The following AHNAK2 variants were observed in gnomAD, a reference collection of about 807,000 sequenced individuals.
The protein encoded by AHNAK2 is AHNAK nucleoprotein 2.
Under a neutral mutation model 30.7 loss-of-function variants are expected in AHNAK2, and 18 were observed. The ratio of observed to expected loss-of-function variants is 0.59; its 90% confidence interval spans 0.41 to 0.87. The LOEUF (loss-of-function observed/expected upper bound fraction) is 0.87. Ranked by LOEUF, AHNAK2 falls within the 40% of genes least tolerant of loss-of-function variation. The pLI is 0.00. For missense variants in AHNAK2, 8,604 were observed against 7,373.0 expected, an observed-to-expected ratio of 1.17 and a Z score of -6.11; for synonymous variants, 3,590 against 3,073.8, an observed-to-expected ratio of 1.17 and a Z score of -5.56.
At chr14:104,977,790 C>T (rs1899633248) in intron 1 of AHNAK2, among the ~76,000 whole-genome samples, 1 of 152,172 alleles carries the variant, frequency 6.6e-6, no homozygotes, top group Non-Finnish European at 1.5e-5. Context: ...CTCCAGAGTG[C>T]GGTAGCACCT....
chr14:104,938,823 C>G lies in AHNAK2; in HGVS notation c.16628G>C (p.Arg5543Thr). ...AGCCTCTTCTGTGCCCTCCTGAGTC[C>G]TAGAGTGTTGAGTCATTGTTGTGTA... ...RVYTTMTQHS[R>T]TQEGTEEAPI... The change falls in exon 7 of 7, where the codon AGG becomes ACG. Residue 5543 changes from arginine to threonine, a missense_variant. Physicochemically the swap from Arg to Thr is moderately conservative, Grantham distance 71 (BLOSUM62 -1). Transcript: ENST00000333244. 1 of 1,613,928 alleles carries G rather than the reference C, an allele frequency of 6.2e-7. No homozygotes were observed. The highest frequency in any genetic ancestry group is 2.2e-5 in the East Asian group (1 of 44,882).
Position 104,954,246 on chromosome 14 carries a change from G to C in AHNAK2, c.1205C>G (p.Pro402Arg). 6.2e-7 allele frequency: 1 copy of C among 1,612,464 alleles called. No homozygotes were observed. Among genetic ancestry groups the C allele is most frequent in the Non-Finnish European group, 8.5e-7 (1 of 1,179,810 alleles). Residue 402 changes from proline (P) to arginine (R), a missense_variant, in exon 7 of 7, where the codon CCT (proline) becomes CGT (arginine). By Grantham distance (103) the Pro-to-Arg change is moderately radical. Coordinates refer to ENST00000333244, the MANE Select transcript of AHNAK2 (RefSeq NM_138420.4). The surrounding 1 kb of genome is among the most constrained non-coding windows in gnomAD (Gnocchi z 4.3). ...CTGAGGGGTTCCCTCGCAAAGTCTA[G>C]GGTCACCGAGCTCTGTGGGCAATGG... ...SMPLPTELGD[P>R]RLCEGTPQEG...
Position 104,948,383 on chromosome 14 carries a change from G to T in AHNAK2, c.7068C>A (p.Ser2356=), listed in dbSNP as rs768034530. 1 of 1,612,672 alleles carries T rather than the reference G, an allele frequency of 6.2e-7. No homozygotes were observed. Among genetic ancestry groups the T allele is most frequent in the South Asian group, 1.1e-5 (1 of 91,048 alleles). The part of the protein sequence containing the change: ...LKVEADVSLP[S]MQGDLKTTDL... Reference sequence around the variant, plus strand: ...CAGTGGTCTTGAGGTCCCCCTGCATGGAGGGGAGGCTCACGTCGGCCTCCA... The same window carrying T: ...CAGTGGTCTTGAGGTCCCCCTGCATTGAGGGGAGGCTCACGTCGGCCTCCA... The change falls in exon 7 of 7, where the codon TCC becomes TCA. Residue 2356 remains serine (S), a synonymous_variant. Coordinates refer to ENST00000333244, the MANE Select transcript of AHNAK2 (RefSeq NM_138420.4).
At position 104,954,725 on chromosome 14, in the gene AHNAK2, G is replaced by A; in HGVS notation, c.726C>T (p.Leu242=). 2 of 1,612,332 alleles carry A rather than the reference G, an allele frequency of 1.2e-6. No homozygotes were observed. Among genetic ancestry groups the A allele is most frequent in the Non-Finnish European group, 1.7e-6 (2 of 1,179,372 alleles). The change falls in exon 7 of 7, where the codon CTC becomes CTT. Residue 242 remains leucine (L), a synonymous_variant. Coordinates refer to ENST00000333244, the MANE Select transcript of AHNAK2 (RefSeq NM_138420.4). This position sits in a 1 kb window ranked among gnomAD's most constrained non-coding sequence, Gnocchi z 4.3. The stretch of plus-strand genomic sequence containing the variant: ...CTCTCCCCACCCTTGGTTTGGAGAT[G>A]AGTCTCTCTTGGTCCCCATCTCCTT... ...TLEGDGDQER[L]ISKPRVGRGR...
At position 104,970,940 on chromosome 14, in the gene AHNAK2, T is replaced by C. The variant is rs117591651; in HGVS notation, c.55+7243A>G. 6.5e-3 allele frequency among the ~76,000 whole-genome samples: 987 copies of C among 152,174 alleles called. 20 individuals are homozygous for C. Among genetic ancestry groups the C allele is most frequent in the Admixed American group, 0.052 (790 of 15,298 alleles). On this transcript the variant is annotated intron_variant, in intron 1 of 6. Transcript: ENST00000333244. ...CCCAGAAGGGAGGAGAGGCATAGCC[T>C]AAGGGCCTGCCCCCATGGTCACTGG... is the stretch of plus-strand genomic sequence containing the variant.
chr14:104,947,488 T>A lies in AHNAK2; in HGVS notation c.7963A>T (p.Met2655Leu), dbSNP rs761149741. The A allele has an allele frequency of 6.2e-7, 1 of 1,612,260 alleles. No homozygotes were observed. The highest frequency in any genetic ancestry group is 2.2e-5 in the East Asian group (1 of 44,628). The change falls in exon 7 of 7, where the codon ATG (methionine) becomes TTG (leucine). Residue 2655 changes from methionine (M) to leucine (L), a missense_variant. Transcript: ENST00000333244. Reference protein sequence around the residue: ...DSKFKMPKFKMPSFRVSAPGE... With the variant: ...DSKFKMPKFKLPSFRVSAPGE... ...GGGGCCGACACCCTGAATGATGGCA[T>A]CTTGAACTTGGGCATTTTGAACTTG...
In AHNAK2 at chr14:104,942,934, G is replaced by A. The variant is rs1263971794; in HGVS notation, c.12517C>T (p.Gln4173Ter). 1 of 1,613,288 alleles carries A rather than the reference G, an allele frequency of 6.2e-7. No individual in the cohort carries two copies. The highest frequency in any genetic ancestry group is 1.3e-5 in the African/African-American group (1 of 74,818). Residue 4173 changes from glutamine to a stop codon, truncating the protein, a stop_gained, in exon 7 of 7, where the codon CAG becomes TAG. Transcript: ENST00000333244. LOFTEE classifies it low-confidence loss of function (END_TRUNC). ...AKADVSLPSMQGDLKTTDLSI... is the reference protein window; with the variant it reads ...AKADVSLPSM The stretch of plus-strand genomic sequence containing the variant: ...AGGTCAGTGGTCTTGAGGTCCCCCT[G>A]CATGGAGGGGAGGCTCACGTCGGCT...
At chr14:104,970,074 G>C (rs970598049) in intron 1 of AHNAK2, among the ~76,000 whole-genome samples, 1 of 152,130 alleles carries the variant, frequency 6.6e-6, no homozygotes, top group Non-Finnish European at 1.5e-5. Flanking sequence ...CGGCTGCCCT[G>C]AATGTGGGTG....
At chr14:104,972,501 C>T (rs112114375) in intron 1 of AHNAK2, among the ~76,000 whole-genome samples, 4 of 152,210 alleles carry the variant, frequency 2.6e-5, no homozygotes, top group African/African-American at 7.2e-5. Context: ...CACTGACCCC[C>T]GCAAGAGCCT....
chr14:104,950,731 C>A lies in AHNAK2; in HGVS notation c.4720G>T (p.Gly1574Trp). 1 of 1,588,166 alleles carries A rather than the reference C, an allele frequency of 6.3e-7. No individual in the cohort carries two copies. Among genetic ancestry groups the A allele is most frequent in the Non-Finnish European group, 8.6e-7 (1 of 1,162,992 alleles). ...GGCATCTGCACTTTGGGCAGGTGCC[C>A]TTTGAGGCCGGCTCCCTCGGACACA... ...GPVSEGAGLK[G>W]HLPKVQMPSF... is the part of the protein sequence containing the mutation. The change falls in exon 7 of 7, where the codon GGG becomes TGG. Residue 1574 changes from glycine (G) to tryptophan (W), a missense_variant. By Grantham distance (184) the Gly-to-Trp change is radical. Coordinates refer to ENST00000333244, the MANE Select transcript of AHNAK2 (RefSeq NM_138420.4).
chr14:104,945,127 C>A lies in AHNAK2; in HGVS notation c.10324G>T (p.Asp3442Tyr), dbSNP rs555694423. The A allele has an allele frequency of 2.7e-5, 43 of 1,613,256 alleles. No homozygotes were observed. Among genetic ancestry groups the A allele is most frequent in the Admixed American group, 5.0e-5 (3 of 59,968 alleles). ...AGCTTGGCTCTCGGGGCCTGGACGT[C>A]CACCTCCACGCTGGGCAGAGACACC... is the stretch of plus-strand genomic sequence containing the variant. ...VEVSLPSVEV[D>Y]VQAPRAKLDG... The change falls in exon 7 of 7, where the codon GAC becomes TAC. Residue 3442 changes from aspartate to tyrosine, a missense_variant. By Grantham distance (160) the Asp-to-Tyr change is radical. Coordinates refer to ENST00000333244, the MANE Select transcript of AHNAK2 (RefSeq NM_138420.4).
At chr14:104,960,110 C>T (rs1302817816) in intron 1 of AHNAK2, among the ~76,000 whole-genome samples, 1 of 152,198 alleles carries the variant, frequency 6.6e-6, no homozygotes, top group Non-Finnish European at 1.5e-5. Context: ...ATTTAGAAGA[C>T]AGACAATCAT....
Position 104,947,934 on chromosome 14 carries a change from A to C in AHNAK2, c.7517T>G (p.Val2506Gly), listed in dbSNP as rs931670423. The C allele has an allele frequency of 4.3e-6, 7 of 1,611,446 alleles. 1 individual carries two copies. Among genetic ancestry groups the C allele is most frequent in the Non-Finnish European group, 5.1e-6 (6 of 1,179,236 alleles). Residue 2506 changes from valine to glycine, a missense_variant, in exon 7 of 7, where the codon GTG (valine) becomes GGG (glycine). Transcript: ENST00000333244. ...SAPGKSIEAS[V>G]DVSAPKVEAD... ...CTCCACCTTCGGCGCAGACACATCC[A>C]CCGAGGCCTCGATGGACTTGCCTGG... is the stretch of plus-strand genomic sequence containing the variant.
chr14:104,956,795 A>G lies in AHNAK2; in HGVS notation c.214-106T>C, dbSNP rs1898988728. On this transcript the variant is annotated intron_variant, in intron 3 of 6. Coordinates refer to ENST00000333244, the MANE Select transcript of AHNAK2 (RefSeq NM_138420.4). ...AGGAGCCCTCCCTTCAGAGGGGCCCAGAACTTCCAACACACAGCTGTGTGC... is the reference window on the plus strand; with the variant it reads ...AGGAGCCCTCCCTTCAGAGGGGCCCGGAACTTCCAACACACAGCTGTGTGC... 5 of 1,023,140 alleles carry G rather than the reference A, an allele frequency of 4.9e-6. No homozygotes were observed. In the South Asian group the frequency reaches 6.5e-5, roughly 13 times the overall value. The allele number at this position is 1,023,140 out of a possible 1,614,324, so 63.4% of individuals were successfully genotyped here. A position where few individuals can be genotyped will look rare whatever the true frequency, so the allele number is the denominator to read the frequency against.
In AHNAK2 at chr14:104,943,265, G is replaced by A. The variant is rs750817511; in HGVS notation, c.12186C>T (p.Pro4062=). The change falls in exon 7 of 7, where the codon CCC becomes CCT. Residue 4062 remains proline (P), a synonymous_variant. Transcript: ENST00000333244. ...TCTGGGGGCCCTTGAGGTCCACTTT[G>A]GGCATCTTGAAACTGGGCATCTGCA... ...PKVQMPSFKM[P]KVDLKGPQID... is the part of the protein sequence containing the mutation. 4.3e-6 allele frequency: 7 copies of A among 1,612,780 alleles called. No homozygotes were observed. Among genetic ancestry groups the A allele is most frequent in the South Asian group, 2.2e-5 (2 of 91,040 alleles).
rs1488261302 is a variant in AHNAK2 at position 104,939,357 on chromosome 14, G to A, written c.16094C>T (p.Pro5365Leu). The change falls in exon 7 of 7, where the codon CCA becomes CTA. Residue 5365 changes from proline to leucine, a missense_variant. Coordinates refer to ENST00000333244, the MANE Select transcript of AHNAK2 (RefSeq NM_138420.4). The stretch of plus-strand genomic sequence containing the variant: ...CACATTAACCACAGAAATCTGGGAT[G>A]GCATATCAGTACTTGAAGCTTTCAA... Reference protein sequence around the residue: ...LKLKASSTDMPSQISVVNVDQ... With the variant: ...LKLKASSTDMLSQISVVNVDQ... 6.2e-7 allele frequency: 1 copy of A among 1,613,562 alleles called. No homozygotes were observed. Among genetic ancestry groups the A allele is most frequent in the Non-Finnish European group, 8.5e-7 (1 of 1,179,890 alleles).
chr14:104,970,603 C>T (rs1899447566), intron 1 of AHNAK2: 4 of 832,304 alleles, frequency 4.8e-6, no homozygotes, highest in South Asian at 5.6e-5. Flanking sequence ...CTGGACCCTG[C>T]CAGGACCCCC....
Position 104,952,895 on chromosome 14 carries a change from C to G in AHNAK2, c.2556G>C (p.Met852Ile), listed in dbSNP as rs201364839. 6.6e-3 allele frequency: 10,639 copies of G among 1,610,664 alleles called. 64 individuals are homozygous for G. The highest frequency in any genetic ancestry group is 8.0e-3 in the Non-Finnish European group (9,416 of 1,179,078). Residue 852 changes from methionine (M) to isoleucine (I), a missense_variant, in exon 7 of 7, where the codon ATG becomes ATC. Met to Ile is a conservative substitution (Grantham distance 10, BLOSUM62 1). Coordinates refer to ENST00000333244, the MANE Select transcript of AHNAK2 (RefSeq NM_138420.4). ...GCGCAGACACATCCACCGAGTCCTC[C>G]ATGGACTTGCCTGGGGCCGACACCC... ...SFGVSAPGKSMEDSVDVSAPK... is the reference protein window; with the variant it reads ...SFGVSAPGKSIEDSVDVSAPK...
At chr14:104,961,496 C>CAG (rs1179556454) in intron 1 of AHNAK2, among the ~76,000 whole-genome samples, 1 of 146,124 alleles carries the variant, frequency 6.8e-6, no homozygotes, top group Non-Finnish European at 1.5e-5. Context: ...GCCTGGGTGA[C>CAG]AGCGAGACCC....
Sources: allele counts gnomAD v4.1 joint callset (sites outside exome capture counted in the v4.1 genomes callset), GRCh38; gene constraint gnomAD v4.1.1; non-coding constraint Gnocchi (gnomAD v3.1); transcripts MANE v1.5; gene names NCBI Gene and HGNC (gene_info 2026-07-23, HGNC 2026-07-21).